Variants in AHR observed in about 807,000 individuals in gnomAD.
AHR encodes the protein aryl hydrocarbon receptor, also known as AH-receptor.
Under a neutral mutation model 86.8 loss-of-function variants are expected in AHR, and 40 were observed. The ratio of observed to expected loss-of-function variants is 0.46; its 90% CI spans 0.36 to 0.60. The LOEUF (loss-of-function observed/expected upper bound fraction) is 0.60, where lower values mean the gene tolerates loss of function less well. Ranked by LOEUF, AHR falls within the 20% of genes least tolerant of loss-of-function variation. The pLI is 0.00. For missense variants in AHR, 1,001 were observed against 1,011.6 expected (o/e 0.99, Z 0.14); for synonymous variants, 398 against 354.9 (o/e 1.12, Z -1.37).
At chr7:17,324,453 T>G (rs1034422309) in intron 3 of AHR, among the ~76,000 whole-genome samples, 43 of 152,170 alleles carry the variant, frequency 2.8e-4, no homozygotes, top group African/African-American at 1.0e-3. Flanking sequence ...CTAAAACTTT[T>G]GAGGAGAAAT....
intron 2 of AHR, among the ~76,000 whole-genome samples, chr7:17,316,679 C>T (rs758796662): frequency 2.6e-5 from 4 of 152,268 alleles, no homozygotes; most frequent in Non-Finnish European, 5.9e-5. Context: ...ATTGTACCTA[C>T]TGAATTCTTC....
intron 6 of AHR, among the ~76,000 whole-genome samples, chr7:17,332,928 C>T (rs966215301): frequency 1.3e-5 from 2 of 151,904 alleles, no homozygotes; most frequent in African/African-American, 4.8e-5. Context: ...ACAATAAGTG[C>T]TCTTATACAG....
At chr7:17,315,096 G>A (rs1314606847) in intron 2 of AHR, among the ~76,000 whole-genome samples, 1 of 151,726 alleles carries the variant, frequency 6.6e-6, no homozygotes, top group African/African-American at 2.4e-5. Context: ...ATAAACCTAG[G>A]TTCTTTTAAA....
At chr7:17,341,997 CCATT>C in intron 10 of AHR, among the ~76,000 whole-genome samples, 1 of 151,978 alleles carries the variant, frequency 6.6e-6, no homozygotes, top group Non-Finnish European at 1.5e-5. Flanking sequence ...TACAGTGTTG[CCATT>C]CATTGAAGAT....
intron 7 of AHR, 133 bp from the exon 8 acceptor site, chr7:17,334,754 A>G (rs1056695952): frequency 1.7e-6 from 1 of 605,814 alleles, no homozygotes; most frequent in Non-Finnish European, 2.8e-6. Flanking sequence ...TTTCACATCT[A>G]CTTATGTGAA....
rs779385845 is a variant in AHR, at chr7:17,343,144, G to C, written c.*80G>C. 7.2e-6 allele frequency: 11 copies of C among 1,520,368 alleles called. No homozygotes were observed. Among genetic ancestry groups the C allele is most frequent in the Non-Finnish European group, 1.0e-5 (11 of 1,101,572 alleles). 94.2% of individuals were successfully genotyped at this position (1,520,368 alleles called of 1,614,324 possible). A position where few individuals can be genotyped will look rare whatever the true frequency, so the allele number is the denominator to read the frequency against. ...ATGGAAAAATAAAACTGTCACTGTT[G>C]GACGTCAGCAAGTTCACATGGAGGC... On this transcript the variant is annotated 3_prime_UTR_variant, in exon 11 of 11. Transcript: ENST00000242057.
At position 17,339,625 on chromosome 7, in the gene AHR, A is replaced by G. The variant is rs369161400; in HGVS notation, c.1800A>G (p.Gln600=). The G allele has an allele frequency of 4.3e-6, 7 of 1,614,148 alleles. No individual in the cohort carries two copies. The highest frequency in any genetic ancestry group is 2.2e-5 in the East Asian group (1 of 44,878). ...CTCCCTTCATACCTTCAGATTATCAACAGCAACAGTCCTTGGCTCTGAACT... is the reference window on the plus strand; with the variant it reads ...CTCCCTTCATACCTTCAGATTATCAGCAGCAACAGTCCTTGGCTCTGAACT... ...SKSPFIPSDY[Q]QQQSLALNSS... The change falls in exon 10 of 11, where the codon CAA becomes CAG. Residue 600 remains glutamine, a synonymous_variant. Transcript: ENST00000242057.
chr7:17,324,786 T>A (rs1782211232), intron 3 of AHR, among the ~76,000 whole-genome samples: 1 of 149,868 alleles, frequency 6.7e-6, no homozygotes, highest in African/African-American at 2.5e-5. Context: ...CGGGTGACAA[T>A]GCGAGACTCC....
chr7:17,306,898 T>C (rs765943660), intron 1 of AHR, among the ~76,000 whole-genome samples: 2 of 152,160 alleles, frequency 1.3e-5, no homozygotes, highest in Non-Finnish European at 2.9e-5. Flanking sequence ...AAACATTAAT[T>C]GAGAATCCAC....
rs371295244 is a variant in AHR at position 17,339,616 on chromosome 7, A to C, written c.1791A>C (p.Ser597=). Reference sequence around the variant, plus strand: ...TAAGTAAGTCTCCCTTCATACCTTCAGATTATCAACAGCAACAGTCCTTGG... The same window carrying C: ...TAAGTAAGTCTCCCTTCATACCTTCCGATTATCAACAGCAACAGTCCTTGG... ...DSLSKSPFIP[S]DYQQQQSLAL... Residue 597 remains serine, a synonymous_variant, in exon 10 of 11, where the codon TCA becomes TCC. Coordinates refer to ENST00000242057, the MANE Select transcript of AHR (RefSeq NM_001621.5). 1 of 1,614,030 alleles carries C rather than the reference A, an allele frequency of 6.2e-7. No homozygotes were observed. Among genetic ancestry groups the C allele is most frequent in the Non-Finnish European group, 8.5e-7 (1 of 1,180,056 alleles).
chr7:17,333,869 T>C lies in AHR; in HGVS notation c.706-43T>C, dbSNP rs375657110. 2.6e-6 allele frequency: 4 copies of C among 1,528,488 alleles called. No homozygotes were observed. In the African/African-American group the frequency reaches 5.5e-5, roughly 21 times the overall value. The allele number at this position is 1,528,488 out of a possible 1,614,324, so 94.7% of individuals were successfully genotyped here. On this transcript the variant is annotated intron_variant, in intron 6 of 10. Coordinates refer to ENST00000242057, the MANE Select transcript of AHR (RefSeq NM_001621.5). ...CTTTTAAAAAGGCACTATTTTATATTGTTAATTTTAATGAACTTTTTTGTT... is the reference window on the plus strand; with the variant it reads ...CTTTTAAAAAGGCACTATTTTATATCGTTAATTTTAATGAACTTTTTTGTT...
At position 17,340,234 on chromosome 7, in the gene AHR, G is replaced by A. The variant is rs1390402228; in HGVS notation, c.2403+6G>A. ...AACAGGCATTTTTAAACAAGGTAAG[G>A]GTGTTATCAAACTGAATTAAATCTT... On this transcript the variant is annotated splice_donor_region_variant and intron_variant, in intron 10 of 10. Coordinates refer to ENST00000242057, the MANE Select transcript of AHR (RefSeq NM_001621.5). 1.3e-6 allele frequency: 2 copies of A among 1,581,652 alleles called. No homozygotes were observed. Among genetic ancestry groups the A allele is most frequent in the Admixed American group, 1.9e-5 (1 of 54,036 alleles).
chr7:17,333,826 A>C, intron 6 of AHR, 86 bp from the exon 7 acceptor site: 4 of 999,582 alleles, frequency 4.0e-6, no homozygotes, highest in Non-Finnish European at 6.0e-6. Context: ...AGAACCCTAG[A>C]GGCAGCCATA....
chr7:17,303,198 TC>T (rs999143061), intron 1 of AHR, among the ~76,000 whole-genome samples: 5 of 152,248 alleles, frequency 3.3e-5, no homozygotes, highest in South Asian at 2.1e-4. Flanking sequence ...TACATCATTT[TC>T]TTCATTTTTA....
At chr7:17,321,458 T>A (rs538212183) in intron 2 of AHR, among the ~76,000 whole-genome samples, 100 of 151,998 alleles carry the variant, frequency 6.6e-4, no homozygotes, top group African/African-American at 2.3e-3. Flanking sequence ...CCCAATTCTG[T>A]CAGTTACCAA....
At chr7:17,332,545 A>G (rs1308793106) in intron 6 of AHR, among the ~76,000 whole-genome samples, 4 of 151,878 alleles carry the variant, frequency 2.6e-5, no homozygotes, top group African/African-American at 9.7e-5. Flanking sequence ...CTTAGTTTTT[A>G]ACAAAAAAAG....
At position 17,339,780 on chromosome 7, in the gene AHR, A is replaced by G. The variant is rs1782398757; in HGVS notation, c.1955A>G (p.Glu652Gly). 6.2e-7 allele frequency: 1 copy of G among 1,614,100 alleles called. No individual in the cohort carries two copies. Among genetic ancestry groups the G allele is most frequent in the Admixed American group, 1.7e-5 (1 of 60,016 alleles). ...MKHMQVNGMFENWNSNQFVPF... is the reference protein window; with the variant it reads ...MKHMQVNGMFGNWNSNQFVPF... The stretch of plus-strand genomic sequence containing the variant: ...CACATGCAAGTTAATGGCATGTTTG[A>G]AAATTGGAACTCTAACCAATTCGTG... Residue 652 changes from glutamate to glycine, a missense_variant, in exon 10 of 11, where the codon GAA (glutamate) becomes GGA (glycine). Transcript: ENST00000242057.
Position 17,334,998 on chromosome 7 carries a change from T to C in AHR, c.1018+2T>C. The stretch of plus-strand genomic sequence containing the variant: ...ATTGTGCCGAGTCCCATATCCGAAG[T>C]AAGTTGTAGTTCCTTATGAACATGT... On this transcript the variant is annotated splice_donor_variant, in intron 8 of 10. Transcript: ENST00000242057. LOFTEE classifies it high-confidence loss of function. 1 of 1,606,538 alleles carries C rather than the reference T, an allele frequency of 6.2e-7. No individual in the cohort carries two copies. Among genetic ancestry groups the C allele is most frequent in the Non-Finnish European group, 8.5e-7 (1 of 1,173,722 alleles).
chr7:17,345,287 T>C lies in AHR; in HGVS notation c.*2223T>C, dbSNP rs1266665696. On this transcript the variant is annotated 3_prime_UTR_variant, in exon 11 of 11. Transcript: ENST00000242057. The stretch of plus-strand genomic sequence containing the variant: ...AAGATCGCCCCACTGCACTCCAGCC[T>C]GGCAATAGACCGAGACTCCGTCTCC... 1.3e-5 allele frequency: 2 copies of C among 151,182 alleles called. No individual in the cohort carries two copies. Among genetic ancestry groups the C allele is most frequent in the African/African-American group, 2.4e-5 (1 of 41,042 alleles). The allele number at this position is 151,182 out of a possible 1,614,324, so 9.4% of individuals were successfully genotyped here.
Sources: gnomAD v4.1 joint callset for allele counts (sites outside exome capture counted in the v4.1 genomes callset) on GRCh38, gnomAD v4.1.1 for gene constraint, MANE v1.5 for transcripts, NCBI Gene and HGNC (gene_info 2026-07-23, HGNC 2026-07-21) for gene names.